Variants in TMEM132D observed in about 807,000 individuals in gnomAD.
TMEM132D encodes transmembrane protein 132D, also known as mature OL transmembrane protein.
A neutral mutation model predicts 62.3 loss-of-function variants in TMEM132D; 21 were observed. That is an observed-to-expected ratio of 0.34 (90% CI 0.24 to 0.49). TMEM132D has a LOEUF of 0.49. TMEM132D is among the 20% of genes least tolerant of loss of function. The probability of loss-of-function intolerance (pLI) is 0.99; values close to 1 mark genes in which losing one functional copy is unlikely to be tolerated. For synonymous variants in TMEM132D, 621 were observed against 575.6 expected, an observed-to-expected ratio of 1.08 and a Z score of -1.13; for missense variants, 1,346 against 1,402.8, an observed-to-expected ratio of 0.96 and a Z score of 0.65.
At chr12:129,542,971 A>G (rs1411481864) in intron 2 of TMEM132D, among the ~76,000 whole-genome samples, 3 of 152,038 alleles carry the variant, frequency 2.0e-5, no homozygotes, top group Non-Finnish European at 4.4e-5. Context: ...GGTGTGGAGT[A>G]GGCTATACCA....
At chr12:129,532,916 T>C (rs1483625187) in intron 2 of TMEM132D, among the ~76,000 whole-genome samples, 2 of 152,150 alleles carry the variant, frequency 1.3e-5, no homozygotes, top group African/African-American at 4.8e-5. Context: ...CCTGGTCTCC[T>C]CCCCTGTGCC....
chr12:129,485,013 G>A (rs960601594), intron 3 of TMEM132D, among the ~76,000 whole-genome samples: 2 of 152,180 alleles, frequency 1.3e-5, no homozygotes, highest in Non-Finnish European at 2.9e-5. Context: ...CCTCCTTCTA[G>A]CCAACATTCC....
At chr12:129,446,869 C>T (rs1873112233) in intron 3 of TMEM132D, among the ~76,000 whole-genome samples, 1 of 152,194 alleles carries the variant, frequency 6.6e-6, no homozygotes, top group African/African-American at 2.4e-5. Context: ...ACTCGCCTGG[C>T]CGTGAGACCC....
chr12:129,239,762 A>G (rs1387722041), intron 4 of TMEM132D, among the ~76,000 whole-genome samples: 2 of 152,220 alleles, frequency 1.3e-5, no homozygotes, highest in African/African-American at 4.8e-5. Context: ...CTAGAGTCTT[A>G]GGAGACAGAG....
chr12:129,584,065 T>C (rs1240370793), intron 2 of TMEM132D, among the ~76,000 whole-genome samples: 1 of 152,182 alleles, frequency 6.6e-6, no homozygotes, highest in Non-Finnish European at 1.5e-5. Flanking sequence ...TAAATCACAC[T>C]GTGTAGTAAT....
intron 3 of TMEM132D, among the ~76,000 whole-genome samples, chr12:129,397,036 C>T (rs1238160241): frequency 6.6e-6 from 1 of 152,102 alleles, no homozygotes; most frequent in African/African-American, 2.4e-5. Flanking sequence ...ATGGGTGAAT[C>T]TATTTAATAT....
At chr12:129,113,601 G>A (rs1315298141) in intron 5 of TMEM132D, among the ~76,000 whole-genome samples, 1 of 152,204 alleles carries the variant, frequency 6.6e-6, no homozygotes, top group Non-Finnish European at 1.5e-5. Context: ...AAATAAAGCA[G>A]TGAAGGGTGC....
Position 129,361,967 on chromosome 12 carries a change from C to T in TMEM132D, c.1116-24150G>A, listed in dbSNP as rs371334590. Among the ~76,000 whole-genome samples the T allele has an allele frequency of 2.0e-5, 3 of 152,264 alleles. No homozygotes were observed. In the East Asian group the frequency reaches 5.8e-4, roughly 29 times the overall value. On this transcript the variant is annotated intron_variant, in intron 3 of 8. Coordinates refer to ENST00000422113, the MANE Select transcript of TMEM132D (RefSeq NM_133448.3). ...CATAGATTACTTTTTCAAAATCAAT[C>T]AAAATTGAAGGAGCATTCACGATCT...
chr12:129,894,996 T>C (rs1328891600), intron 1 of TMEM132D, among the ~76,000 whole-genome samples: 1 of 152,190 alleles, frequency 6.6e-6, no homozygotes, highest in African/African-American at 2.4e-5. Flanking sequence ...CCCTTCTGTG[T>C]AGCTGCTCTT....
intron 1 of TMEM132D, among the ~76,000 whole-genome samples, chr12:129,771,076 C>A (rs1236647377): frequency 6.6e-6 from 1 of 152,190 alleles, no homozygotes; most frequent in East Asian, 1.9e-4. Context: ...ACAGAGGGTG[C>A]AGCCCGCACT....
At chr12:129,556,914 G>A (rs1877078989) in intron 2 of TMEM132D, among the ~76,000 whole-genome samples, 1 of 152,040 alleles carries the variant, frequency 6.6e-6, no homozygotes, top group Admixed American at 6.5e-5. Context: ...TGTATCCCCA[G>A]GCACATTTTA....
At chr12:129,767,966 G>A (rs1870605942) in intron 1 of TMEM132D, among the ~76,000 whole-genome samples, 1 of 111,510 alleles carries the variant, frequency 9.0e-6, no homozygotes, top group African/African-American at 2.7e-5. Flanking sequence ...AACAGAACTT[G>A]TGCAGAAAAA....
At chr12:129,131,288 T>C (rs1876367066) in intron 5 of TMEM132D, among the ~76,000 whole-genome samples, 1 of 152,166 alleles carries the variant, frequency 6.6e-6, no homozygotes, top group African/African-American at 2.4e-5. Flanking sequence ...ATGACTGTTG[T>C]TGGAGAAAAC....
At chr12:129,281,418 CT>C (rs71433359) in intron 4 of TMEM132D, among the ~76,000 whole-genome samples, 1,311 of 106,588 alleles carry the variant, frequency 0.012, 13 homozygotes, top group African/African-American at 0.024. Flanking sequence ...TAAATAAATT[CT>C]TTTTTTTTTA....
At chr12:129,628,794 T>C (rs1386249160) in intron 2 of TMEM132D, among the ~76,000 whole-genome samples, 1 of 152,100 alleles carries the variant, frequency 6.6e-6, no homozygotes, top group Non-Finnish European at 1.5e-5. Flanking sequence ...TACCTGCTGC[T>C]TTTAGAATAA....
chr12:129,446,572 C>A (rs537032411), intron 3 of TMEM132D, among the ~76,000 whole-genome samples: 2 of 152,310 alleles, frequency 1.3e-5, no homozygotes, highest in South Asian at 2.1e-4. Context: ...TCCATTTTGT[C>A]CCGTTAACAC....
chr12:129,835,705 G>A (rs182354450), intron 1 of TMEM132D, among the ~76,000 whole-genome samples: 25 of 152,310 alleles, frequency 1.6e-4, no homozygotes, highest in South Asian at 4.1e-4. Context: ...GTGATTAAAC[G>A]GGGCAGGGAC....
At chr12:129,786,634 T>C (rs1871255025) in intron 1 of TMEM132D, among the ~76,000 whole-genome samples, 1 of 152,166 alleles carries the variant, frequency 6.6e-6, no homozygotes, top group Non-Finnish European at 1.5e-5. Context: ...CTCACGCCTG[T>C]AACCCCAGCA....
In TMEM132D at chr12:129,823,486, C is replaced by T. The variant is rs142806212; in HGVS notation, c.79+79775G>A. On this transcript the variant is annotated intron_variant, in intron 1 of 8. Coordinates refer to ENST00000422113, the MANE Select transcript of TMEM132D (RefSeq NM_133448.3). ...GGAGTCCTCCTAAAATCCACATTTC[C>T]GTGGACCAGCCAAGGGCCAGCCTTG... Among the ~76,000 whole-genome samples the T allele has an allele frequency of 8.5e-5, 13 of 152,358 alleles. No individual in the cohort carries two copies. The South Asian group carries it at 1.2e-3, about 15-fold the overall frequency.
Sources: allele counts gnomAD v4.1 joint callset (sites outside exome capture counted in the v4.1 genomes callset), GRCh38; gene constraint gnomAD v4.1.1; transcripts MANE v1.5; gene names NCBI Gene and HGNC (gene_info 2026-07-23, HGNC 2026-07-21).